COMMD7: variants seen among roughly 807,000 people sequenced by gnomAD.
The protein encoded by COMMD7 is COMM domain-containing protein 7.
COMMD7 carries 28 observed loss-of-function variants against 34.8 expected under a neutral mutation model. The observed-to-expected ratio is 0.80, with a 90% CI of 0.60 to 1.10. COMMD7 has a LOEUF of 1.10. COMMD7 is among the 50% of genes least tolerant of loss of function. The pLI is 0.00. For synonymous variants in COMMD7, 80 were observed against 86.4 expected (o/e 0.93, Z 0.41); for missense variants, 211 against 241.6 (o/e 0.87, Z 0.84).
chr20:32,721,186 G>A (rs896207678), intron 3 of COMMD7, among the ~76,000 whole-genome samples: 2 of 152,124 alleles, frequency 1.3e-5, no homozygotes, highest in African/African-American at 4.8e-5. Context: ...AGGATACAGT[G>A]GGGGGCCAAG....
At chr20:32,703,950 G>A (rs753504724) in intron 8 of COMMD7, 73 bp downstream of exon 8, 10 of 1,609,504 alleles carry the variant, frequency 6.2e-6, no homozygotes, top group Middle Eastern at 3.3e-4. Flanking sequence ...ATGATTTGTG[G>A]TGAGCGTCAC....
Position 32,743,437 on chromosome 20 carries a change from C to G in COMMD7, c.-46G>C. 1 of 1,257,668 alleles carries G rather than the reference C, an allele frequency of 8.0e-7. No individual in the cohort carries two copies. Among genetic ancestry groups the G allele is most frequent in the South Asian group, 2.3e-5 (1 of 43,422 alleles). The allele number at this position is 1,257,668 out of a possible 1,614,324, so 77.9% of individuals were successfully genotyped here. On this transcript the variant is annotated 5_prime_UTR_variant, in exon 1 of 9. Coordinates refer to ENST00000278980, the MANE Select transcript of COMMD7 (RefSeq NM_053041.3). The stretch of plus-strand genomic sequence containing the variant: ...AGGTTCCACCGCCGCCGCCGCCCTG[C>G]TCAGCTTCCTCCTCCGCTGCCGCTG...
In COMMD7 at chr20:32,743,320, C is replaced by G. The variant is rs901075960; in HGVS notation, c.72G>C (p.Gln24His). The change falls in exon 1 of 9, where the codon CAG (glutamine) becomes CAC (histidine). Residue 24 changes from glutamine to histidine, a missense_variant. Physicochemically the swap from Gln to His is conservative, Grantham distance 24. Transcript: ENST00000278980. Reference sequence around the variant, plus strand: ...CCGCCGGGCCCACCTGCGCGCCCAGCTGGTTCAGCTGCTGCATGTCGCCGC... The same window carrying G: ...CCGCCGGGCCCACCTGCGCGCCCAGGTGGTTCAGCTGCTGCATGTCGCCGC... ...AVGGDMQQLN[Q>H]LGAQQFSALT... 2.6e-6 allele frequency: 4 copies of G among 1,516,758 alleles called. No homozygotes were observed. In the African/African-American group the frequency reaches 5.7e-5, roughly 21 times the overall value. The allele number at this position is 1,516,758 out of a possible 1,614,324, so 94.0% of individuals were successfully genotyped here.
At chr20:32,728,210 C>G in intron 1 of COMMD7, 68 bp from the exon 2 acceptor site, 1 of 1,437,210 alleles carries the variant, frequency 7.0e-7, no homozygotes, top group Non-Finnish European at 9.8e-7. Context: ...CCACCCCAGG[C>G]AACTGCATAG....
intron 3 of COMMD7, among the ~76,000 whole-genome samples, chr20:32,709,047 T>C (rs1442238037): frequency 6.6e-6 from 1 of 152,058 alleles, no homozygotes; most frequent in Non-Finnish European, 1.5e-5. Context: ...TAGTCAAGAA[T>C]TGCACTGCCA....
intron 1 of COMMD7, 40 bp from the exon 2 acceptor site, chr20:32,728,182 C>T (rs1281105561): frequency 6.2e-7 from 1 of 1,606,856 alleles, no homozygotes; most frequent in African/African-American, 1.3e-5. Context: ...ACAATTTCTA[C>T]TACTGGGTCA....
chr20:32,731,504 C>T (rs542620381), intron 1 of COMMD7, among the ~76,000 whole-genome samples: 1 of 151,900 alleles, frequency 6.6e-6, no homozygotes, highest in Non-Finnish European at 1.5e-5. Flanking sequence ...ATTGATCCCT[C>T]GTCCCTATCT....
At chr20:32,733,910 G>A (rs930690572) in intron 1 of COMMD7, among the ~76,000 whole-genome samples, 1 of 150,874 alleles carries the variant, frequency 6.6e-6, no homozygotes, top group African/African-American at 2.4e-5. Flanking sequence ...CGGGTGCGGT[G>A]GCTCACACCT....
At chr20:32,738,450 G>A (rs1601009816) in intron 1 of COMMD7, among the ~76,000 whole-genome samples, 1 of 152,122 alleles carries the variant, frequency 6.6e-6, no homozygotes, top group African/African-American at 2.4e-5. Context: ...AGCCGGGCAT[G>A]GTGGTGCACG....
intron 1 of COMMD7, among the ~76,000 whole-genome samples, chr20:32,733,272 C>T (rs1985945398): frequency 6.6e-6 from 1 of 151,760 alleles, no homozygotes; most frequent in Admixed American, 6.6e-5. Flanking sequence ...GGATACATTG[C>T]TCAGTTTAAA....
chr20:32,714,158 C>T (rs548681880), intron 3 of COMMD7, among the ~76,000 whole-genome samples: 12 of 152,038 alleles, frequency 7.9e-5, no homozygotes, highest in African/African-American at 2.2e-4. Flanking sequence ...GGGAAAGTGC[C>T]ATGGAGAAAA....
chr20:32,713,854 G>T (rs751168989), intron 3 of COMMD7, among the ~76,000 whole-genome samples: 5 of 152,174 alleles, frequency 3.3e-5, no homozygotes, highest in African/African-American at 1.2e-4. Context: ...GGTGGCTCAC[G>T]CCTGTAATCT....
chr20:32,706,450 T>A (rs565027716), intron 5 of COMMD7, 133 bp downstream of exon 5: 32 of 664,878 alleles, frequency 4.8e-5, no homozygotes, highest in East Asian at 2.7e-5. Flanking sequence ...GAGGCAGAGG[T>A]TGTGGTGAGC....
rs1455248817 is a variant in COMMD7, at chr20:32,743,460, C to G, written c.-69G>C. 5 of 1,110,848 alleles carry G rather than the reference C, an allele frequency of 4.5e-6. No homozygotes were observed. The African/African-American group carries it at 6.6e-5, about 15-fold the overall frequency. 68.8% of individuals were successfully genotyped at this position (1,110,848 alleles called of 1,614,324 possible). On this transcript the variant is annotated 5_prime_UTR_variant, in exon 1 of 9. Transcript: ENST00000278980. The stretch of plus-strand genomic sequence containing the variant: ...TGCTCAGCTTCCTCCTCCGCTGCCG[C>G]TGCCACCGCTGCCGGCCTCTCCGCG...
intron 5 of COMMD7, among the ~76,000 whole-genome samples, chr20:32,706,210 A>G (rs572285815): frequency 2.0e-4 from 31 of 151,716 alleles, no homozygotes; most frequent in South Asian, 6.3e-4. Flanking sequence ...AAAAAAAAAA[A>G]AAAGAAAGAA....
Position 32,727,874 on chromosome 20 carries a change from G to A in COMMD7, c.241+19C>T. Reference sequence around the variant, plus strand: ...CAAGTTAATGTCTCTGGCCACAGCTGCTAAGAGAGGTTACTCACCATTTGG... The same window carrying A: ...CAAGTTAATGTCTCTGGCCACAGCTACTAAGAGAGGTTACTCACCATTTGG... On this transcript the variant is annotated intron_variant, in intron 3 of 8. Transcript: ENST00000278980. The A allele has an allele frequency of 6.4e-7, 1 of 1,564,872 alleles. No individual in the cohort carries two copies. The highest frequency in any genetic ancestry group is 1.7e-5 in the Admixed American group (1 of 59,902).
intron 1 of COMMD7, among the ~76,000 whole-genome samples, chr20:32,741,800 T>C (rs1486574891): frequency 1.3e-5 from 2 of 152,226 alleles, no homozygotes; most frequent in Admixed American, 1.3e-4. Context: ...TACAGTCACA[T>C]GCTGTATAGG....
chr20:32,743,236 G>GGGCCCC, intron 1 of COMMD7, 72 bp downstream of exon 1: 1 of 555,854 alleles, frequency 1.8e-6, no homozygotes, highest in African/African-American at 2.1e-5. Flanking sequence ...ACCCCCGGAC[G>GGGCCCC]TCCCCCCCAC....
At chr20:32,727,189 T>TG (rs1294011102) in intron 3 of COMMD7, among the ~76,000 whole-genome samples, 1 of 151,280 alleles carries the variant, frequency 6.6e-6, no homozygotes, top group African/African-American at 2.4e-5. Context: ...ATTGCACCAC[T>TG]GTATTCCAGC....
Sources: allele counts gnomAD v4.1 joint callset (sites outside exome capture counted in the v4.1 genomes callset), GRCh38; gene constraint gnomAD v4.1.1; transcripts MANE v1.5; gene names NCBI Gene and HGNC (gene_info 2026-07-23, HGNC 2026-07-21).